SPTLC3: variants seen among roughly 807,000 people sequenced by gnomAD.
SPTLC3 encodes serine palmitoyltransferase 3.
A neutral mutation model predicts 59.3 loss-of-function variants in SPTLC3; 36 were observed. The observed-to-expected ratio is 0.61, with a 90% confidence interval of 0.47 to 0.80. SPTLC3 has a LOEUF of 0.80. Among genes scored for constraint, SPTLC3 ranks in the 30% least tolerant of loss-of-function variants. SPTLC3 has a pLI of 0.00. For synonymous variants in SPTLC3, 257 were observed against 240.8 expected (o/e 1.07, Z -0.62); for missense variants, 625 against 685.1 (o/e 0.91, Z 0.98).
intron 2 of SPTLC3, among the ~76,000 whole-genome samples, chr20:13,059,901 G>A (rs1286384743): frequency 6.6e-6 from 1 of 151,908 alleles, no homozygotes; most frequent in East Asian, 1.9e-4. Flanking sequence ...CTGACTGGTC[G>A]CCCTTCAAAT....
chr20:13,162,230 G>C (rs1208175420), intron 11 of SPTLC3, among the ~76,000 whole-genome samples: 6 of 152,214 alleles, frequency 3.9e-5, no homozygotes, highest in Non-Finnish European at 8.8e-5. Flanking sequence ...ACCTTGCACA[G>C]AAGGGAGAGA....
chr20:13,072,663 G>T (rs183265830), intron 3 of SPTLC3, among the ~76,000 whole-genome samples: 38 of 152,246 alleles, frequency 2.5e-4, no homozygotes, highest in Middle Eastern at 3.4e-3. Context: ...CACCAAGCCA[G>T]CCAGGAAGAC....
At chr20:13,043,062 C>T (rs1987062536) in intron 1 of SPTLC3, among the ~76,000 whole-genome samples, 1 of 152,126 alleles carries the variant, frequency 6.6e-6, no homozygotes. Flanking sequence ...GGTTCTGTTT[C>T]CCTACGCAAA....
At chr20:13,120,446 A>G (rs1990837820) in intron 8 of SPTLC3, among the ~76,000 whole-genome samples, 1 of 152,254 alleles carries the variant, frequency 6.6e-6, no homozygotes, top group African/African-American at 2.4e-5. Flanking sequence ...TAGGGTTCTC[A>G]GTAAACCCTG....
intron 6 of SPTLC3, among the ~76,000 whole-genome samples, chr20:13,096,042 A>G (rs1989400468): frequency 6.6e-6 from 1 of 152,210 alleles, no homozygotes. Flanking sequence ...GATGACATCA[A>G]GCAGTGGTTA....
At chr20:13,033,771 A>T (rs1022595839) in intron 1 of SPTLC3, among the ~76,000 whole-genome samples, 2 of 152,192 alleles carry the variant, frequency 1.3e-5, no homozygotes, top group Admixed American at 1.3e-4. Flanking sequence ...TGACTTGCCT[A>T]TTAAAAAATC....
At chr20:13,139,321 G>C (rs1414333924) in intron 9 of SPTLC3, among the ~76,000 whole-genome samples, 1 of 152,144 alleles carries the variant, frequency 6.6e-6, no homozygotes, top group Non-Finnish European at 1.5e-5. Flanking sequence ...TGTGGGGTTG[G>C]TATTAGTTAA....
At chr20:13,070,909 A>C (rs910309328) in intron 2 of SPTLC3, among the ~76,000 whole-genome samples, 2 of 151,304 alleles carry the variant, frequency 1.3e-5, no homozygotes, top group Admixed American at 6.6e-5. Flanking sequence ...ATACAAACCC[A>C]CTCCCCTGAG....
At position 13,108,709 on chromosome 20, in the gene SPTLC3, G is replaced by T. The variant is rs144325253; in HGVS notation, c.827-1403G>T. On this transcript the variant is annotated intron_variant, in intron 6 of 11. Transcript: ENST00000399002. ...CCTGTCTCAGCCTCCCAAGTAGCTG[G>T]GATTAGAGGTGCCTACCACCATACC... Among the ~76,000 whole-genome samples the T allele has an allele frequency of 3.5e-3, 538 of 152,168 alleles. 1 individual carries two copies. The highest frequency in any genetic ancestry group is 0.012 in the African/African-American group (500 of 41,502).
At chr20:13,113,754 A>T (rs755910727) in intron 7 of SPTLC3, among the ~76,000 whole-genome samples, 2 of 152,196 alleles carry the variant, frequency 1.3e-5, no homozygotes, top group African/African-American at 2.4e-5. Flanking sequence ...CTCACAACCA[A>T]GAGTGGCTGT....
At chr20:13,069,599 T>A (rs926727876) in intron 2 of SPTLC3, among the ~76,000 whole-genome samples, 5 of 152,010 alleles carry the variant, frequency 3.3e-5, no homozygotes, top group African/African-American at 9.7e-5. Context: ...GGAGCCCAGG[T>A]GGTAATGCTC....
At chr20:13,029,848 A>G (rs1600215860) in intron 1 of SPTLC3, among the ~76,000 whole-genome samples, 1 of 152,144 alleles carries the variant, frequency 6.6e-6, no homozygotes, top group African/African-American at 2.4e-5. Flanking sequence ...ACCAATTCCT[A>G]ATAAACACAC....
In SPTLC3 at chr20:13,167,722, C is replaced by G. The variant is rs1476024767; in HGVS notation, c.*2855C>G. 1.3e-5 allele frequency: 2 copies of G among 152,166 alleles called. No individual in the cohort carries two copies. Among genetic ancestry groups the G allele is most frequent in the East Asian group, 3.8e-4 (2 of 5,200 alleles). 9.4% of individuals were successfully genotyped at this position (152,166 alleles called of 1,614,324 possible). ...GCATGCTTTGATTTTACAGAGACGACAGGCTTTGGAATTTACTAGGAAGCT... is the reference window on the plus strand; with the variant it reads ...GCATGCTTTGATTTTACAGAGACGAGAGGCTTTGGAATTTACTAGGAAGCT... On this transcript the variant is annotated 3_prime_UTR_variant, in exon 12 of 12. Transcript: ENST00000399002.
chr20:13,132,098 G>C (rs1488926260), intron 9 of SPTLC3, among the ~76,000 whole-genome samples: 1 of 151,022 alleles, frequency 6.6e-6, no homozygotes, highest in Non-Finnish European at 1.5e-5. Flanking sequence ...CTGAAAATCT[G>C]CCTTATTAGG....
chr20:13,054,007 T>G (rs1248674271), intron 2 of SPTLC3, among the ~76,000 whole-genome samples: 1 of 152,184 alleles, frequency 6.6e-6, no homozygotes, highest in Non-Finnish European at 1.5e-5. Context: ...CCTGATTTGG[T>G]GTTTAATGAA....
chr20:13,160,222 G>A, intron 11 of SPTLC3, 90 bp downstream of exon 11: 1 of 1,442,540 alleles, frequency 6.9e-7, no homozygotes, highest in Non-Finnish European at 9.2e-7. Context: ...GGTTCTCTGG[G>A]TTTCTCTTGG....
At chr20:13,067,266 C>T (rs62201743) in intron 2 of SPTLC3, among the ~76,000 whole-genome samples, 9,670 of 151,806 alleles carry the variant, frequency 0.064, 430 homozygotes, top group Non-Finnish European at 0.092. Flanking sequence ...TGTCCTGTGG[C>T]CAATATTATC....
chr20:13,096,466 A>G (rs1989418679), intron 6 of SPTLC3, among the ~76,000 whole-genome samples: 1 of 151,762 alleles, frequency 6.6e-6, no homozygotes, highest in Non-Finnish European at 1.5e-5. Flanking sequence ...GCAACAAGCT[A>G]CTGCTACACA....
chr20:13,038,100 G>T (rs537164739), intron 1 of SPTLC3, among the ~76,000 whole-genome samples: 1 of 148,338 alleles, frequency 6.7e-6, no homozygotes, highest in African/African-American at 2.5e-5. Context: ...CTGCCATATG[G>T]TGTGTAAAAA....
Sources: allele counts gnomAD v4.1 joint callset (sites outside exome capture counted in the v4.1 genomes callset), GRCh38; gene constraint gnomAD v4.1.1; transcripts MANE v1.5; gene names NCBI Gene and HGNC (gene_info 2026-07-23, HGNC 2026-07-21).